The following SPAG16 variants were observed in gnomAD, a reference collection of about 807,000 sequenced individuals.
SPAG16 encodes the protein sperm-associated antigen 16 protein.
SPAG16 carries 86 observed loss-of-function variants against 80.4 expected under a neutral mutation model. The observed-to-expected ratio is 1.07, with a 90% CI of 0.90 to 1.28. SPAG16 has a LOEUF of 1.28. SPAG16 is among the 50% of genes most tolerant of loss of function. The pLI is 0.00. For missense variants in SPAG16, 870 were observed against 765.3 expected, an observed-to-expected ratio of 1.14 and a Z score of -1.61; for synonymous variants, 294 against 265.9, an observed-to-expected ratio of 1.11 and a Z score of -1.03.
chr2:213,796,924 T>C (rs1166975863), intron 10 of SPAG16, among the ~76,000 whole-genome samples: 2 of 90,708 alleles, frequency 2.2e-5, no homozygotes, highest in African/African-American at 5.6e-5. Context: ...ATGCATGTTA[T>C]TTCTCCTAAA....
chr2:213,712,423 A>G (rs913190867), intron 10 of SPAG16, among the ~76,000 whole-genome samples: 1 of 152,342 alleles, frequency 6.6e-6, no homozygotes, highest in East Asian at 1.9e-4. Context: ...GATACTTAAT[A>G]GCTCTAACAC....
intron 15 of SPAG16, among the ~76,000 whole-genome samples, chr2:214,210,928 A>G (rs940287866): frequency 1.3e-5 from 2 of 152,126 alleles, no homozygotes; most frequent in African/African-American, 2.4e-5. Flanking sequence ...ACTGTTTAAA[A>G]TCATATTTAT....
At chr2:213,798,616 A>T (rs2071190519) in intron 10 of SPAG16, among the ~76,000 whole-genome samples, 1 of 152,066 alleles carries the variant, frequency 6.6e-6, no homozygotes, top group Admixed American at 6.6e-5. Flanking sequence ...TGTATTGTTT[A>T]TTTATCACTT....
At chr2:213,633,927 G>A (rs553615371) in intron 10 of SPAG16, among the ~76,000 whole-genome samples, 2 of 152,182 alleles carry the variant, frequency 1.3e-5, no homozygotes, top group South Asian at 2.1e-4. Flanking sequence ...TGTAGGTTAA[G>A]TGTGTTTCTT....
At chr2:213,433,261 C>A (rs541875863) in intron 9 of SPAG16, among the ~76,000 whole-genome samples, 11 of 147,558 alleles carry the variant, frequency 7.5e-5, no homozygotes, top group Non-Finnish European at 1.6e-4. Flanking sequence ...CCAGAACAAT[C>A]AGACGAGAAA....
chr2:213,723,127 C>T (rs1011555674), intron 10 of SPAG16, among the ~76,000 whole-genome samples: 1 of 152,150 alleles, frequency 6.6e-6, no homozygotes, highest in African/African-American at 2.4e-5. Flanking sequence ...TTCTCCTCTC[C>T]TATGGATAAA....
intron 10 of SPAG16, among the ~76,000 whole-genome samples, chr2:213,805,229 G>C (rs2071693456): frequency 3.3e-5 from 5 of 152,122 alleles, no homozygotes; most frequent in Admixed American, 3.3e-4. Flanking sequence ...GGGCTCCCAG[G>C]TAAACACCAG....
intron 10 of SPAG16, among the ~76,000 whole-genome samples, chr2:213,565,228 T>C (rs539926438): frequency 6.6e-6 from 1 of 152,322 alleles, no homozygotes; most frequent in East Asian, 1.9e-4. Context: ...AAGGAATATA[T>C]ATTGACTACT....
intron 12 of SPAG16, among the ~76,000 whole-genome samples, chr2:214,004,110 G>A (rs1398114779): frequency 1.3e-5 from 2 of 152,088 alleles, no homozygotes; most frequent in African/African-American, 2.4e-5. Context: ...GTCTACAAAT[G>A]AGCAAAAAGG....
chr2:213,335,971 G>C (rs1215438264), intron 5 of SPAG16, among the ~76,000 whole-genome samples: 1 of 152,032 alleles, frequency 6.6e-6, no homozygotes, highest in Non-Finnish European at 1.5e-5. Context: ...AAAACAGCCA[G>C]TGAATTCTGA....
chr2:213,643,345 ATTTTATATATATATATATATAT>A (rs1289450988), intron 10 of SPAG16, among the ~76,000 whole-genome samples: 4 of 46,158 alleles, frequency 8.7e-5, no homozygotes, highest in African/African-American at 2.9e-4. Context: ...TTGGATCTTA[ATTTTATATATATATATATATAT>A]ATATATATAT....
intron 12 of SPAG16, among the ~76,000 whole-genome samples, chr2:213,971,766 G>A (rs1228803164): frequency 6.6e-6 from 1 of 152,088 alleles, no homozygotes; most frequent in Non-Finnish European, 1.5e-5. Context: ...GAGAAACAGT[G>A]TAAGTGTTTT....
At chr2:214,027,441 C>T (rs116167456) in intron 13 of SPAG16, among the ~76,000 whole-genome samples, 1,827 of 151,762 alleles carry the variant, frequency 0.012, 18 homozygotes, top group Middle Eastern at 0.034. Context: ...ATCTTCTAAA[C>T]AAGAATGCAG....
At chr2:213,833,574 TA>T in intron 10 of SPAG16, among the ~76,000 whole-genome samples, 1 of 31,978 alleles carries the variant, frequency 3.1e-5, no homozygotes, top group Non-Finnish European at 5.5e-5. Context: ...ATAATATATA[TA>T]TAATATATAT....
At position 214,354,736 on chromosome 2, in the gene SPAG16, T is replaced by C. The variant is rs538028441; in HGVS notation, c.1721-55404T>C. 1.8e-4 allele frequency among the ~76,000 whole-genome samples: 27 copies of C among 152,120 alleles called. No individual in the cohort carries two copies. The East Asian group carries it at 4.3e-3, about 24-fold the overall frequency. On this transcript the variant is annotated intron_variant, in intron 15 of 15. Transcript: ENST00000331683. ...TCACATCCCTTGTAAGTTGGATTCC[T>C]AGGTATTTTATTCTCTTTGAAGCAA...
chr2:214,134,077 G>T (rs981264525), intron 14 of SPAG16, among the ~76,000 whole-genome samples: 2 of 152,142 alleles, frequency 1.3e-5, no homozygotes, highest in African/African-American at 4.8e-5. Flanking sequence ...GAAATCATGG[G>T]AATACTCCTT....
chr2:214,316,440 C>T (rs780469289), intron 15 of SPAG16, among the ~76,000 whole-genome samples: 60 of 152,088 alleles, frequency 3.9e-4, no homozygotes, highest in Admixed American at 7.9e-4. Context: ...AGGGACAGAG[C>T]CCCTTGCTTA....
chr2:214,231,238 G>A (rs1576551726), intron 15 of SPAG16, among the ~76,000 whole-genome samples: 1 of 151,910 alleles, frequency 6.6e-6, no homozygotes, highest in East Asian at 1.9e-4. Context: ...ATGCAATCTA[G>A]CCTGGAATAG....
chr2:213,371,712 GTTAT>G (rs71060424), intron 8 of SPAG16, among the ~76,000 whole-genome samples: 133,010 of 151,900 alleles, frequency 0.88, 60,274 homozygotes, highest in East Asian at 1. Flanking sequence ...CACATTAATT[GTTAT>G]TTAATCTAAA....
Sources: allele counts gnomAD v4.1 joint callset (sites outside exome capture counted in the v4.1 genomes callset), GRCh38; gene constraint gnomAD v4.1.1; transcripts MANE v1.5; gene names NCBI Gene and HGNC (gene_info 2026-07-23, HGNC 2026-07-21).